NEURL1B: variants seen among roughly 807,000 people sequenced by gnomAD.
NEURL1B encodes the protein E3 ubiquitin-protein ligase NEURL1B.
Under a neutral mutation model 37.4 loss-of-function variants are expected in NEURL1B, and 13 were observed. The ratio of observed to expected loss-of-function variants is 0.35; its 90% CI spans 0.23 to 0.55. The LOEUF (loss-of-function observed/expected upper bound fraction) is 0.55. Ranked by LOEUF, NEURL1B falls within the 20% of genes least tolerant of loss-of-function variation. The probability of loss-of-function intolerance (pLI) is 0.89; values close to 1 mark genes in which losing one functional copy is unlikely to be tolerated. For missense variants in NEURL1B, 790 were observed against 879.2 expected, an observed-to-expected ratio of 0.90 and a Z score of 1.28; for synonymous variants, 432 against 426.6, an observed-to-expected ratio of 1.01 and a Z score of -0.16.
At chr5:172,671,167 C>T (rs931205535) in intron 2 of NEURL1B, among the ~76,000 whole-genome samples, 1 of 152,142 alleles carries the variant, frequency 6.6e-6, no homozygotes, top group Non-Finnish European at 1.5e-5. Context: ...AAAGGGAAAC[C>T]CTACCCATTA....
At chr5:172,677,429 T>G (rs553747040) in intron 2 of NEURL1B, among the ~76,000 whole-genome samples, 1 of 152,132 alleles carries the variant, frequency 6.6e-6, no homozygotes, top group East Asian at 1.9e-4. Context: ...CACAGGCCAC[T>G]AAGATGGGAT....
intron 3 of NEURL1B, among the ~76,000 whole-genome samples, chr5:172,685,490 A>G (rs1285918120): frequency 6.6e-6 from 1 of 152,258 alleles, no homozygotes; most frequent in Non-Finnish European, 1.5e-5. Context: ...CTGAACCAAC[A>G]GCAAGCTTGG....
chr5:172,686,070 C>T lies in NEURL1B; in HGVS notation c.1298-101C>T, dbSNP rs886712069. 19 of 1,407,116 alleles carry T rather than the reference C, an allele frequency of 1.4e-5. No individual in the cohort carries two copies. Among genetic ancestry groups the T allele is most frequent in the Middle Eastern group, 1.9e-4 (1 of 5,242 alleles). The allele number at this position is 1,407,116 out of a possible 1,614,324, so 87.2% of individuals were successfully genotyped here. A position where few individuals can be genotyped will look rare whatever the true frequency, so the allele number is the denominator to read the frequency against. The stretch of plus-strand genomic sequence containing the variant: ...CCCTGGGAGATACCTCTGGTCCTCT[C>T]GTTAGACGGGAAAGCTAAGGTGCAA... On this transcript the variant is annotated intron_variant, in intron 3 of 4. Transcript: ENST00000369800. The surrounding 1 kb of genome is among the most constrained non-coding windows in gnomAD (Gnocchi z 7.9).
intron 1 of NEURL1B, among the ~76,000 whole-genome samples, chr5:172,642,883 T>C (rs2113247254): frequency 6.6e-6 from 1 of 152,326 alleles, no homozygotes; most frequent in Middle Eastern, 3.4e-3. Context: ...AGGAGATATC[T>C]GGGGATGTTG....
Position 172,669,814 on chromosome 5 carries a change from A to ACCCGGCCGTGCTGCGGC in NEURL1B, c.69_85dup (p.Pro29ArgfsTer87). 7.7e-7 allele frequency: 1 copy of ACCCGGCCGTGCTGCGGC among 1,294,662 alleles called. No individual in the cohort carries two copies. The highest frequency in any genetic ancestry group is 9.9e-7 in the Non-Finnish European group (1 of 1,014,672). The allele number at this position is 1,294,662 out of a possible 1,614,324, so 80.2% of individuals were successfully genotyped here. ...GAGCCCACCGGCGCGCCTCCTGGCC[A>ACCCGGCCGTGCTGCGGC]CCCGGCCGTGCTGCGGCCCCGGCCC... On this transcript the variant is annotated frameshift_variant, in exon 2 of 5. Transcript: ENST00000369800. LOFTEE classifies it high-confidence loss of function.
chr5:172,670,436 C>A (rs1404514969), intron 2 of NEURL1B, 106 bp downstream of exon 2: 2 of 917,698 alleles, frequency 2.2e-6, no homozygotes, highest in African/African-American at 1.7e-5. Context: ...CTCCTTTTGC[C>A]AGGCGTGGCA....
At chr5:172,659,383 G>T (rs1369022971) in intron 1 of NEURL1B, among the ~76,000 whole-genome samples, 1 of 152,154 alleles carries the variant, frequency 6.6e-6, no homozygotes, top group Non-Finnish European at 1.5e-5. Context: ...CTGTCCTCAA[G>T]GCAAAGAGAA....
intron 1 of NEURL1B, among the ~76,000 whole-genome samples, chr5:172,654,219 A>G (rs1757721189): frequency 6.6e-6 from 1 of 152,260 alleles, no homozygotes; most frequent in Non-Finnish European, 1.5e-5. Flanking sequence ...TAGAATTGGT[A>G]TAGATGGTTC....
At chr5:172,654,852 A>T (rs756116041) in intron 1 of NEURL1B, among the ~76,000 whole-genome samples, 9 of 152,156 alleles carry the variant, frequency 5.9e-5, no homozygotes, top group Non-Finnish European at 1.2e-4. Context: ...AAGACCTTTA[A>T]TTATCAATTA....
At chr5:172,680,091 C>T (rs928069239) in intron 2 of NEURL1B, among the ~76,000 whole-genome samples, 7 of 152,220 alleles carry the variant, frequency 4.6e-5, no homozygotes, top group South Asian at 4.1e-4. Context: ...CACACAGCAG[C>T]GCTGGGCCCA....
intron 1 of NEURL1B, among the ~76,000 whole-genome samples, chr5:172,666,390 AT>A (rs764181124): frequency 3.9e-4 from 59 of 152,338 alleles, no homozygotes; most frequent in Middle Eastern, 6.8e-3. Context: ...AAATGATGAA[AT>A]GCATGGCACA....
intron 1 of NEURL1B, among the ~76,000 whole-genome samples, chr5:172,645,920 G>A (rs541072927): frequency 6.6e-6 from 1 of 152,194 alleles, no homozygotes; most frequent in Non-Finnish European, 1.5e-5. Flanking sequence ...TCTCTCCACC[G>A]TGGGTTGTGA....
At chr5:172,684,485 TC>T (rs1758444206) in intron 3 of NEURL1B, among the ~76,000 whole-genome samples, 2 of 152,148 alleles carry the variant, frequency 1.3e-5, no homozygotes, top group African/African-American at 4.8e-5. Context: ...CTATATCCCC[TC>T]GGTAAATGGT....
chr5:172,676,329 C>T lies in NEURL1B; in HGVS notation c.577+5999C>T, dbSNP rs1283143678. On this transcript the variant is annotated intron_variant, in intron 2 of 4. Coordinates refer to ENST00000369800, the MANE Select transcript of NEURL1B (RefSeq NM_001142651.3). The surrounding 1 kb of genome is among the most constrained non-coding windows in gnomAD (Gnocchi z 4.5). Reference sequence around the variant, plus strand: ...GTGGCCTCATCCTCAGCTGGACTGTCCCTTTGGGGTGGAGGAAAGGCCACC... The same window carrying T: ...GTGGCCTCATCCTCAGCTGGACTGTTCCTTTGGGGTGGAGGAAAGGCCACC... Among the ~76,000 whole-genome samples the T allele has an allele frequency of 6.6e-6, 1 of 152,164 alleles. No individual in the cohort carries two copies. The highest frequency in any genetic ancestry group is 1.5e-5 in the Non-Finnish European group (1 of 68,038).
chr5:172,650,136 G>C (rs991504193), intron 1 of NEURL1B, among the ~76,000 whole-genome samples: 1 of 152,158 alleles, frequency 6.6e-6, no homozygotes, highest in Non-Finnish European at 1.5e-5. Context: ...CCTCAGGCAC[G>C]TATTTTCTTT....
At chr5:172,656,841 G>A in intron 1 of NEURL1B, 1 of 610,308 alleles carries the variant, frequency 1.6e-6, no homozygotes, top group East Asian at 2.8e-5. Context: ...TCATCTTTAG[G>A]ATGGGGATAA....
At chr5:172,682,835 C>T (rs1012677532) in intron 2 of NEURL1B, among the ~76,000 whole-genome samples, 2 of 152,172 alleles carry the variant, frequency 1.3e-5, no homozygotes, top group Admixed American at 1.3e-4. Context: ...TAGCCATGTG[C>T]CCTTGGTCAT....
At chr5:172,674,139 C>CA (rs112362262) in intron 2 of NEURL1B, among the ~76,000 whole-genome samples, 43 of 144,348 alleles carry the variant, frequency 3.0e-4, no homozygotes, top group East Asian at 6.0e-4. Flanking sequence ...AACTCCATCT[C>CA]AAAAAAAAAA....
At chr5:172,653,755 C>T (rs1176402330) in intron 1 of NEURL1B, among the ~76,000 whole-genome samples, 1 of 152,198 alleles carries the variant, frequency 6.6e-6, no homozygotes, top group Non-Finnish European at 1.5e-5. Flanking sequence ...ACACCTTGCA[C>T]ATAAACTTTT....
Sources: gnomAD v4.1 joint callset for allele counts (sites outside exome capture counted in the v4.1 genomes callset) on GRCh38, gnomAD v4.1.1 for gene constraint, Gnocchi (gnomAD v3.1) non-coding constraint, MANE v1.5 for transcripts, NCBI Gene and HGNC (gene_info 2026-07-23, HGNC 2026-07-21) for gene names.